ALDH1A2: variants seen among roughly 807,000 people sequenced by gnomAD.
The protein encoded by ALDH1A2 is retinal dehydrogenase 2.
Under a neutral mutation model 60.3 loss-of-function variants are expected in ALDH1A2, and 27 were observed. The ratio of observed to expected loss-of-function variants is 0.45; its 90% CI spans 0.33 to 0.62. ALDH1A2 has a LOEUF of 0.62. ALDH1A2 is among the 20% of genes least tolerant of loss of function. The pLI is 0.02. For missense variants in ALDH1A2, 581 were observed against 643.8 expected, an observed-to-expected ratio of 0.90 and a Z score of 1.06; for synonymous variants, 289 against 232.4, an observed-to-expected ratio of 1.24 and a Z score of -2.21.
chr15:57,961,344 C>T, intron 10 of ALDH1A2, 50 bp from the exon 11 acceptor site: 2 of 1,595,666 alleles, frequency 1.3e-6, no homozygotes, highest in South Asian at 1.1e-5. Context: ...ATTCCTTTAC[C>T]TGCTTTCCAC....
chr15:58,064,227 G>C (rs1249374476), intron 1 of ALDH1A2, among the ~76,000 whole-genome samples: 1 of 151,978 alleles, frequency 6.6e-6, no homozygotes, highest in Non-Finnish European at 1.5e-5. Context: ...CCACACATTG[G>C]CACTATTGTT....
intron 12 of ALDH1A2, among the ~76,000 whole-genome samples, chr15:57,958,160 A>G (rs2140444788): frequency 6.6e-6 from 1 of 152,242 alleles, no homozygotes; most frequent in Non-Finnish European, 1.5e-5. Flanking sequence ...ATGCTTAACA[A>G]AACCATCACC....
intron 1 of ALDH1A2, among the ~76,000 whole-genome samples, chr15:58,017,849 T>C (rs943414665): frequency 3.9e-5 from 6 of 152,148 alleles, no homozygotes; most frequent in Non-Finnish European, 7.4e-5. Flanking sequence ...TGAAACCAGA[T>C]GGTAAATGTG....
At chr15:58,051,329 T>C (rs1384640025) in intron 1 of ALDH1A2, among the ~76,000 whole-genome samples, 1 of 151,900 alleles carries the variant, frequency 6.6e-6, no homozygotes, top group Non-Finnish European at 1.5e-5. Context: ...TTTTGAGAAA[T>C]TTTTGTACAT....
At chr15:58,006,848 T>G (rs1184335589) in intron 4 of ALDH1A2, among the ~76,000 whole-genome samples, 16 of 107,582 alleles carry the variant, frequency 1.5e-4, no homozygotes, top group African/African-American at 5.0e-4. Flanking sequence ...TTGCTTCAGC[T>G]CTCATATTGT....
chr15:57,958,855 T>C (rs1225173598), intron 12 of ALDH1A2, among the ~76,000 whole-genome samples: 5 of 152,288 alleles, frequency 3.3e-5, no homozygotes, highest in East Asian at 3.9e-4. Flanking sequence ...CTAGACAAGA[T>C]GCAGTGGGTC....
chr15:57,991,528 G>A (rs1209343679), intron 7 of ALDH1A2: 1 of 152,148 alleles, frequency 6.6e-6, no homozygotes, highest in Non-Finnish European at 1.5e-5. Context: ...CTAGATCTGT[G>A]CTGTCCAATA....
At chr15:57,992,064 A>G (rs1234439496) in intron 7 of ALDH1A2, among the ~76,000 whole-genome samples, 2 of 152,220 alleles carry the variant, frequency 1.3e-5, no homozygotes, top group African/African-American at 4.8e-5. Context: ...AACAATAAAA[A>G]GATTAGCATT....
chr15:58,044,053 C>A (rs1334998631), intron 1 of ALDH1A2, among the ~76,000 whole-genome samples: 1 of 152,018 alleles, frequency 6.6e-6, no homozygotes, highest in Non-Finnish European at 1.5e-5. Context: ...CACCTCAGTG[C>A]TTTTTCTAAA....
intron 7 of ALDH1A2, among the ~76,000 whole-genome samples, chr15:57,985,641 A>G (rs555518310): frequency 1.4e-4 from 22 of 152,246 alleles, no homozygotes; most frequent in African/African-American, 4.8e-4. Flanking sequence ...TTAAGTTTTT[A>G]TTTACCAAAT....
intron 7 of ALDH1A2, among the ~76,000 whole-genome samples, chr15:57,973,525 C>T (rs1894139735): frequency 6.6e-6 from 1 of 152,200 alleles, no homozygotes; most frequent in Non-Finnish European, 1.5e-5. Flanking sequence ...TACAACTTCT[C>T]AGGTAGCCTG....
intron 1 of ALDH1A2, among the ~76,000 whole-genome samples, chr15:58,059,759 A>G (rs927688370): frequency 6.6e-6 from 1 of 152,312 alleles, no homozygotes; most frequent in South Asian, 2.1e-4. Flanking sequence ...ACCTTGGTGG[A>G]AAACCCTCCC....
rs4646620 is a variant in ALDH1A2 at position 57,966,043 on chromosome 15, G to A, written c.799-216C>T. Among the ~76,000 whole-genome samples the A allele has an allele frequency of 0.4, 60,895 of 151,978 alleles. 12,613 individuals carry two copies. Among genetic ancestry groups the A allele is most frequent in the Non-Finnish European group, 0.46 (31,361 of 67,962 alleles). The stretch of plus-strand genomic sequence containing the variant: ...TGAACTGGAAGACAGCTTTAGTTTC[G>A]TGATGGAAGGACTAAGGAAAAGGGA... On this transcript the variant is annotated intron_variant, in intron 7 of 12. Coordinates refer to ENST00000249750, the MANE Select transcript of ALDH1A2 (RefSeq NM_003888.4).
intron 1 of ALDH1A2, among the ~76,000 whole-genome samples, chr15:58,044,540 A>G (rs1382637443): frequency 6.6e-6 from 1 of 152,040 alleles, no homozygotes; most frequent in African/African-American, 2.4e-5. Context: ...TCCCGAAAGC[A>G]AAATATGTTA....
chr15:57,989,201 C>G (rs1894812089), intron 7 of ALDH1A2, among the ~76,000 whole-genome samples: 1 of 152,044 alleles, frequency 6.6e-6, no homozygotes, highest in African/African-American at 2.4e-5. Context: ...ACATTAAATG[C>G]TAGAAGTTAA....
At chr15:58,015,402 A>T (rs917342946) in intron 1 of ALDH1A2, among the ~76,000 whole-genome samples, 5 of 152,228 alleles carry the variant, frequency 3.3e-5, no homozygotes, top group African/African-American at 1.2e-4. Context: ...TGATTAAACT[A>T]TAACTTTCTT....
chr15:58,032,248 T>A (rs1438706868), intron 1 of ALDH1A2, among the ~76,000 whole-genome samples: 1 of 151,754 alleles, frequency 6.6e-6, no homozygotes, highest in African/African-American at 2.4e-5. Flanking sequence ...AGCAAACTAT[T>A]GCAAGGACGA....
At chr15:57,963,635 G>A (rs1596066599) in intron 9 of ALDH1A2, among the ~76,000 whole-genome samples, 2 of 152,174 alleles carry the variant, frequency 1.3e-5, no homozygotes, top group African/African-American at 2.4e-5. Flanking sequence ...GAGCCACTGC[G>A]CCCGGCCAGA....
At chr15:58,004,277 C>A (rs1274644544) in intron 4 of ALDH1A2, among the ~76,000 whole-genome samples, 2 of 151,856 alleles carry the variant, frequency 1.3e-5, no homozygotes, top group African/African-American at 2.4e-5. Context: ...CAAGTACTTG[C>A]TGTCTCTAAC....
Sources: allele counts gnomAD v4.1 joint callset (sites outside exome capture counted in the v4.1 genomes callset), GRCh38; gene constraint gnomAD v4.1.1; transcripts MANE v1.5; gene names NCBI Gene and HGNC (gene_info 2026-07-23, HGNC 2026-07-21).